Variants in FOXP2 observed in about 807,000 individuals in gnomAD.
FOXP2 encodes forkhead box protein P2.
In FOXP2, 12 loss-of-function variants were observed where a neutral mutation model predicts 115.8. The observed-to-expected ratio is 0.10, with a 90% confidence interval of 0.07 to 0.17. FOXP2 has a LOEUF of 0.17. Among genes scored for constraint, FOXP2 ranks in the 10% least tolerant of loss-of-function variants. The pLI is 1.00. For synonymous variants in FOXP2, 328 were observed against 297.7 expected, an observed-to-expected ratio of 1.10 and a Z score of -1.05; for missense variants, 629 against 843.5, an observed-to-expected ratio of 0.75 and a Z score of 3.15.
At chr7:114,387,882 A>G (rs913630912) in intron 2 of FOXP2, among the ~76,000 whole-genome samples, 1 of 152,182 alleles carries the variant, frequency 6.6e-6, no homozygotes, top group African/African-American at 2.4e-5. Flanking sequence ...TTAGAGCCCT[A>G]TCAGAACAAT....
chr7:114,621,321 G>C (rs917902075), intron 3 of FOXP2, among the ~76,000 whole-genome samples: 3 of 151,974 alleles, frequency 2.0e-5, no homozygotes. Flanking sequence ...AGACAGATAT[G>C]ATTTATGTAC....
chr7:114,469,360 G>C (rs1795946190), intron 2 of FOXP2, among the ~76,000 whole-genome samples: 1 of 152,140 alleles, frequency 6.6e-6, no homozygotes, highest in Admixed American at 6.6e-5. Context: ...AAACAAGAAA[G>C]TGCAAAACTT....
At chr7:114,293,494 A>G (rs1468056232) in intron 2 of FOXP2, among the ~76,000 whole-genome samples, 1 of 152,152 alleles carries the variant, frequency 6.6e-6, no homozygotes, top group East Asian at 1.9e-4. Context: ...CCACCCCTTG[A>G]TTCCTGAGCC....
intron 2 of FOXP2, among the ~76,000 whole-genome samples, chr7:114,494,745 T>C (rs1797232149): frequency 6.6e-6 from 1 of 152,062 alleles, no homozygotes; most frequent in Non-Finnish European, 1.5e-5. Flanking sequence ...CAATCTAATA[T>C]CTCTGTTAAC....
intron 1 of FOXP2, among the ~76,000 whole-genome samples, chr7:114,245,311 A>G (rs1795254099): frequency 6.6e-6 from 1 of 152,188 alleles, no homozygotes; most frequent in African/African-American, 2.4e-5. Context: ...GAATACATGC[A>G]TATTTATACC....
intron 2 of FOXP2, among the ~76,000 whole-genome samples, chr7:114,432,398 T>C (rs1053008067): frequency 6.6e-6 from 1 of 151,988 alleles, no homozygotes; most frequent in Non-Finnish European, 1.5e-5. Context: ...ACAGCACAGA[T>C]AGGAAAAGGA....
upstream of FOXP2, among the ~76,000 whole-genome samples, chr7:114,411,932 A>G (rs1322225537): frequency 6.6e-6 from 1 of 152,146 alleles, no homozygotes; most frequent in African/African-American, 2.4e-5. Flanking sequence ...TAGGTATTCA[A>G]TGTGTTTTTG....
chr7:114,625,248 G>A (rs1804491119), intron 3 of FOXP2, among the ~76,000 whole-genome samples: 1 of 151,492 alleles, frequency 6.6e-6, no homozygotes, highest in South Asian at 2.1e-4. Flanking sequence ...CATTCAAAAC[G>A]AGCTATTTCT....
intron 2 of FOXP2, among the ~76,000 whole-genome samples, chr7:114,382,846 G>A (rs188697246): frequency 2.7e-4 from 41 of 152,288 alleles, no homozygotes; most frequent in African/African-American, 8.9e-4. Flanking sequence ...CAGAAAGGCA[G>A]TAGAATTTTC....
chr7:114,100,158 T>A (rs1006656132), intron 1 of FOXP2, among the ~76,000 whole-genome samples: 2 of 152,240 alleles, frequency 1.3e-5, no homozygotes, highest in African/African-American at 4.8e-5. Context: ...AATCAACCAT[T>A]ATTTTTAGCT....
At chr7:114,470,838 G>C (rs1307870560) in intron 2 of FOXP2, among the ~76,000 whole-genome samples, 1 of 151,730 alleles carries the variant, frequency 6.6e-6, no homozygotes, top group Admixed American at 6.6e-5. Flanking sequence ...CTCGGGGAAG[G>C]GGAAGGGGGA....
intron 2 of FOXP2, among the ~76,000 whole-genome samples, chr7:114,464,946 T>C (rs1795740038): frequency 6.6e-6 from 1 of 152,212 alleles, no homozygotes; most frequent in Non-Finnish European, 1.5e-5. Context: ...TAAATTTTAG[T>C]TCTTTTCCAA....
intron 2 of FOXP2, among the ~76,000 whole-genome samples, chr7:114,498,534 G>A (rs2129250282): frequency 6.6e-6 from 1 of 152,206 alleles, no homozygotes; most frequent in East Asian, 1.9e-4. Context: ...AGCCATATAA[G>A]GTCAGATTGA....
chr7:114,226,919 A>G (rs1794761225), intron 1 of FOXP2, among the ~76,000 whole-genome samples: 2 of 152,172 alleles, frequency 1.3e-5, no homozygotes, highest in African/African-American at 4.8e-5. Context: ...GCAGTAATAC[A>G]GACTTCATTG....
intron 2 of FOXP2, among the ~76,000 whole-genome samples, chr7:114,330,687 T>A (rs1425100868): frequency 6.6e-6 from 1 of 152,006 alleles, no homozygotes; most frequent in African/African-American, 2.4e-5. Context: ...GAGGACAAAC[T>A]ATCAGAAGTC....
intron 3 of FOXP2, among the ~76,000 whole-genome samples, chr7:114,543,964 C>T (rs922140366): frequency 3.9e-5 from 6 of 152,102 alleles, no homozygotes; most frequent in Non-Finnish European, 5.9e-5. Flanking sequence ...AATTAATTAC[C>T]GGGAAATGTT....
intron 3 of FOXP2, among the ~76,000 whole-genome samples, chr7:114,617,811 C>T (rs1342284718): frequency 1.3e-5 from 2 of 152,138 alleles, no homozygotes; most frequent in Non-Finnish European, 2.9e-5. Context: ...AAAGTAAAAA[C>T]AAGAAATGCT....
intron 3 of FOXP2, among the ~76,000 whole-genome samples, chr7:114,602,858 C>A (rs1000478573): frequency 1.3e-5 from 2 of 151,996 alleles, no homozygotes; most frequent in African/African-American, 4.8e-5. Flanking sequence ...AAATATGGGT[C>A]AGTAAAATAC....
At chr7:114,430,781 C>T (rs1295802629) in intron 2 of FOXP2, among the ~76,000 whole-genome samples, 1 of 151,762 alleles carries the variant, frequency 6.6e-6, no homozygotes, top group Non-Finnish European at 1.5e-5. Flanking sequence ...TTCTCTGATG[C>T]CAATATTTAA....
Sources: allele counts gnomAD v4.1 joint callset (sites outside exome capture counted in the v4.1 genomes callset), GRCh38; gene constraint gnomAD v4.1.1; transcripts MANE v1.5; gene names NCBI Gene and HGNC (gene_info 2026-07-23, HGNC 2026-07-21).